NRG1: variants seen among roughly 807,000 people sequenced by gnomAD.
NRG1 encodes the protein neuregulin 1, also known as pro-neuregulin-1, membrane-bound isoform.
Under a neutral mutation model 63.8 loss-of-function variants are expected in NRG1, and 18 were observed. The observed-to-expected ratio is 0.28, with a 90% CI of 0.19 to 0.42. NRG1 has a LOEUF of 0.42. Among genes scored for constraint, NRG1 ranks in the 10% least tolerant of loss-of-function variants. The probability of loss-of-function intolerance (pLI) is 1.00; values close to 1 mark genes in which losing one functional copy is unlikely to be tolerated. For missense variants in NRG1, 762 were observed against 814.7 expected, an observed-to-expected ratio of 0.94 and a Z score of 0.79; for synonymous variants, 302 against 301.3, an observed-to-expected ratio of 1.00 and a Z score of -0.02.
At chr8:31,772,211 C>T (rs781552002) in intron 1 of NRG1, among the ~76,000 whole-genome samples, 1 of 152,048 alleles carries the variant, frequency 6.6e-6, no homozygotes, top group Non-Finnish European at 1.5e-5. Flanking sequence ...AGCTGTTAAA[C>T]TTTTGTCTTC....
chr8:31,699,349 A>G (rs1810398699), intron 1 of NRG1, among the ~76,000 whole-genome samples: 1 of 152,212 alleles, frequency 6.6e-6, no homozygotes, highest in Non-Finnish European at 1.5e-5. Context: ...TCACATGAAT[A>G]TACCTTGATG....
chr8:31,890,030 A>G (rs1317960708), intron 1 of NRG1, among the ~76,000 whole-genome samples: 5 of 152,150 alleles, frequency 3.3e-5, no homozygotes, highest in African/African-American at 7.2e-5. Flanking sequence ...TGGGCAAGAT[A>G]CTCTTTTGTT....
chr8:32,313,396 A>G (rs1352967319), intron 1 of NRG1, among the ~76,000 whole-genome samples: 2 of 152,136 alleles, frequency 1.3e-5, no homozygotes, highest in Non-Finnish European at 2.9e-5. Flanking sequence ...CCACACATCC[A>G]TGCATTTCTA....
chr8:31,727,334 C>T (rs1022219734), intron 1 of NRG1, among the ~76,000 whole-genome samples: 12 of 152,168 alleles, frequency 7.9e-5, no homozygotes, highest in Admixed American at 5.9e-4. Context: ...GATTACAGCT[C>T]GCAGAGCTAA....
chr8:31,688,330 C>T (rs950888382), intron 1 of NRG1, among the ~76,000 whole-genome samples: 22 of 152,246 alleles, frequency 1.4e-4, no homozygotes, highest in Admixed American at 9.8e-4. Flanking sequence ...AAAGGGCCAA[C>T]GGAGCTTGTT....
chr8:32,376,271 C>T (rs1180695736), intron 1 of NRG1, among the ~76,000 whole-genome samples: 11 of 152,224 alleles, frequency 7.2e-5, no homozygotes. Context: ...TATCCTAGCT[C>T]AGGTCACAGA....
At chr8:32,474,982 A>G (rs780129557) in intron 1 of NRG1, among the ~76,000 whole-genome samples, 3 of 152,288 alleles carry the variant, frequency 2.0e-5, no homozygotes, top group Middle Eastern at 6.8e-3. Context: ...AATTAATACC[A>G]TGAAGACTCA....
At chr8:31,950,678 ACTGAGATTAATCTCTATCATC>A (rs1323320349) in intron 1 of NRG1, among the ~76,000 whole-genome samples, 21 of 152,234 alleles carry the variant, frequency 1.4e-4, no homozygotes, top group Non-Finnish European at 2.9e-5. Flanking sequence ...TCTCTGATTA[ACTGAGATTAATCTCTATCATC>A]CTGTGTAAGC....
At position 32,408,177 on chromosome 8, in the gene NRG1, T is replaced by A. The variant is rs73675177; in HGVS notation, c.38-187651T>A. 6.4e-3 allele frequency among the ~76,000 whole-genome samples: 969 copies of A among 152,124 alleles called. 12 individuals carry two copies. Among genetic ancestry groups the A allele is most frequent in the African/African-American group, 0.022 (930 of 41,436 alleles). On this transcript the variant is annotated intron_variant, in intron 1 of 10. Coordinates refer to the NRG1 transcript ENST00000519301. ...GGGTAGGCAGTGGGGAAGGGGATTC[T>A]GTGATAAGAAGGTGATCATGTGTTC...
chr8:31,734,925 G>A (rs1485326860), intron 1 of NRG1, among the ~76,000 whole-genome samples: 2 of 151,974 alleles, frequency 1.3e-5, no homozygotes, highest in Admixed American at 1.3e-4. Context: ...GACTCTAAGG[G>A]TCCCATGAAA....
chr8:32,638,376 TA>T lies in NRG1; in HGVS notation c.502+21499del, dbSNP rs200735276. 7.7e-3 allele frequency among the ~76,000 whole-genome samples: 1,178 copies of T among 152,188 alleles called. 6 individuals are homozygous for T. Among genetic ancestry groups the T allele is most frequent in the Middle Eastern group, 0.024 (7 of 294 alleles). ...TGTTGCAGCTCCAACATTCAGTCAA[TA>T]AAAAAAATTTAAATCTAATTATTAT... On this transcript the variant is annotated intron_variant, in intron 5 of 11. Transcript: ENST00000356819.
At chr8:32,316,466 C>T (rs1391553539) in intron 1 of NRG1, among the ~76,000 whole-genome samples, 1 of 104,632 alleles carries the variant, frequency 9.6e-6, no homozygotes, top group Admixed American at 1.0e-4. Context: ...CAGAGGGAGA[C>T]TCCATCAAAA....
At chr8:32,747,784 T>G (rs1827758558) in intron 7 of NRG1, among the ~76,000 whole-genome samples, 1 of 147,770 alleles carries the variant, frequency 6.8e-6, no homozygotes, top group African/African-American at 2.5e-5. Flanking sequence ...GGAGCTTTAT[T>G]TCCTTAAAGG....
intron 1 of NRG1, among the ~76,000 whole-genome samples, chr8:32,216,390 A>G (rs1288743225): frequency 6.7e-6 from 1 of 148,838 alleles, no homozygotes; most frequent in African/African-American, 2.4e-5. Flanking sequence ...CACTATAGAA[A>G]TGGCAGCAGA....
At chr8:32,631,365 A>G (rs1249017682) in intron 5 of NRG1, among the ~76,000 whole-genome samples, 1 of 152,050 alleles carries the variant, frequency 6.6e-6, no homozygotes, top group Non-Finnish European at 1.5e-5. Context: ...GTTATTACTT[A>G]GCTATTTTAT....
At chr8:31,814,579 A>G (rs1823254591) in intron 1 of NRG1, among the ~76,000 whole-genome samples, 1 of 151,908 alleles carries the variant, frequency 6.6e-6, no homozygotes. Flanking sequence ...GTGATTGTTC[A>G]CTGGGAATAT....
At chr8:32,354,229 C>T (rs563350673) in intron 1 of NRG1, among the ~76,000 whole-genome samples, 29 of 151,990 alleles carry the variant, frequency 1.9e-4, no homozygotes, top group African/African-American at 6.5e-4. Context: ...ATTAGCCAGG[C>T]GTGGTGATGA....
chr8:32,477,281 C>A (rs2129492122), intron 1 of NRG1, among the ~76,000 whole-genome samples: 1 of 152,238 alleles, frequency 6.6e-6, no homozygotes, highest in Non-Finnish European at 1.5e-5. Context: ...CAGCGGCCAC[C>A]ACTGAGAGTT....
intron 1 of NRG1, among the ~76,000 whole-genome samples, chr8:32,390,675 AC>A (rs1217667389): frequency 3.3e-5 from 5 of 151,646 alleles, no homozygotes; most frequent in African/African-American, 1.2e-4. Context: ...GAGACTAGAC[AC>A]CCTCTTATCT....
Sources: gnomAD v4.1 joint callset for allele counts (sites outside exome capture counted in the v4.1 genomes callset) on GRCh38, gnomAD v4.1.1 for gene constraint, MANE v1.5 for transcripts, NCBI Gene and HGNC (gene_info 2026-07-23, HGNC 2026-07-21) for gene names.